The following MFSD2B variants were observed in gnomAD, a reference collection of about 807,000 sequenced individuals.
MFSD2B encodes the protein MFSD2 lysolipid transporter B, sphingolipid.
Under a neutral mutation model 58.4 loss-of-function variants are expected in MFSD2B, and 56 were observed. The ratio of observed to expected loss-of-function variants is 0.96; its 90% CI spans 0.77 to 1.20. The LOEUF is 1.20. MFSD2B is among the 50% of genes most tolerant of loss of function. MFSD2B has a pLI of 0.00. For missense variants in MFSD2B, 645 were observed against 667.6 expected (o/e 0.97, Z 0.37); for synonymous variants, 287 against 294.4 (o/e 0.97, Z 0.26).
chr2:24,010,821 C>T (rs953493918), intron 1 of MFSD2B, among the ~76,000 whole-genome samples: 6 of 152,292 alleles, frequency 3.9e-5, no homozygotes, highest in South Asian at 2.1e-4. Context: ...GCTCCCTGCT[C>T]GTGCCCAGGG....
chr2:24,010,216 G>A, intron 1 of MFSD2B, 24 bp downstream of exon 1: 2 of 1,364,112 alleles, frequency 1.5e-6, no homozygotes, highest in South Asian at 1.7e-5. Context: ...CGGGGACCGG[G>A]AAGGGGCTGC....
In MFSD2B at chr2:24,022,988, A is replaced by C; in HGVS notation, c.1059+86A>C. Reference sequence around the variant, plus strand: ...CTTGGTGCCTGAGCCTCCTGGGGCCAGCAGGGGTGGATCTGTGTTCCCTTG... The same window carrying C: ...CTTGGTGCCTGAGCCTCCTGGGGCCCGCAGGGGTGGATCTGTGTTCCCTTG... On this transcript the variant is annotated intron_variant, in intron 10 of 13. Coordinates refer to ENST00000338315, the MANE Select transcript of MFSD2B (RefSeq NM_001346880.2). The surrounding 1 kb of genome is among the most constrained non-coding windows in gnomAD (Gnocchi z 4.5). 7.1e-7 allele frequency: 1 copy of C among 1,401,936 alleles called. No homozygotes were observed. Among genetic ancestry groups the C allele is most frequent in the Non-Finnish European group, 1.0e-6 (1 of 1,002,368 alleles). The allele number at this position is 1,401,936 out of a possible 1,614,324, so 86.8% of individuals were successfully genotyped here. A position where few individuals can be genotyped will look rare whatever the true frequency, so the allele number is the denominator to read the frequency against.
rs1287890454 is a variant in MFSD2B at position 24,023,737 on chromosome 2, G to A, written c.1313+11G>A. On this transcript the variant is annotated intron_variant, in intron 12 of 13. Transcript: ENST00000338315. The surrounding 1 kb of genome is among the most constrained non-coding windows in gnomAD (Gnocchi z 5.0). ...CACCCTCAGTCTGGAGTGAGTCCCA[G>A]GGTTAGGATACAGCAGAGGCACCAA... 4 of 1,613,282 alleles carry A rather than the reference G, an allele frequency of 2.5e-6. No homozygotes were observed. Among genetic ancestry groups the A allele is most frequent in the Non-Finnish European group, 3.4e-6 (4 of 1,179,534 alleles).
chr2:24,023,782 G>A lies in MFSD2B; in HGVS notation c.1313+56G>A, dbSNP rs1160575593. The A allele has an allele frequency of 1.2e-5, 19 of 1,590,460 alleles. No homozygotes were observed. Among genetic ancestry groups the A allele is most frequent in the Non-Finnish European group, 1.6e-5 (19 of 1,165,120 alleles). ...CACCAAGGACCAGTGGGCAGGAAGAGGGCAAAGCCCCTCACCTACCAAGCT... is the reference window on the plus strand; with the variant it reads ...CACCAAGGACCAGTGGGCAGGAAGAAGGCAAAGCCCCTCACCTACCAAGCT... On this transcript the variant is annotated intron_variant, in intron 12 of 13. Transcript: ENST00000338315. The surrounding 1 kb of genome is among the most constrained non-coding windows in gnomAD (Gnocchi z 5.0).
In MFSD2B at chr2:24,023,134, T is replaced by C. The variant is rs1662859713; in HGVS notation, c.1064T>C (p.Met355Thr). The C allele has an allele frequency of 6.2e-7, 1 of 1,611,980 alleles. No individual in the cohort carries two copies. The highest frequency in any genetic ancestry group is 8.5e-7 in the Non-Finnish European group (1 of 1,179,578). ...CTGGTGTGTGTGTCTCCCCAGGCGA[T>C]GGTGCCCTTTGCGATCTTGCTGGCT... is the stretch of plus-strand genomic sequence containing the variant. ...KKTSAFGIFA[M>T]VPFAILLAAV... is the part of the protein sequence containing the mutation. Residue 355 changes from methionine (M) to threonine (T), a missense_variant, in exon 11 of 14, where the codon ATG (methionine) becomes ACG (threonine). Physicochemically the swap from Met to Thr is moderately conservative, Grantham distance 81 (BLOSUM62 -1). Coordinates refer to ENST00000338315, the MANE Select transcript of MFSD2B (RefSeq NM_001346880.2). This position sits in a 1 kb window ranked among gnomAD's most constrained non-coding sequence, Gnocchi z 5.0.
In MFSD2B at chr2:24,023,508, C is replaced by A; in HGVS notation, c.1170-75C>A. The A allele has an allele frequency of 6.6e-7, 1 of 1,510,426 alleles. No homozygotes were observed. Among genetic ancestry groups the A allele is most frequent in the Non-Finnish European group, 8.9e-7 (1 of 1,119,098 alleles). The allele number at this position is 1,510,426 out of a possible 1,614,324, so 93.6% of individuals were successfully genotyped here. A position where few individuals can be genotyped will look rare whatever the true frequency, so the allele number is the denominator to read the frequency against. ...GAACTCAGGGATGAATCCACTTTGGCCTCCGTCCCCAGAGAATTCACAGGC... is the reference window on the plus strand; with the variant it reads ...GAACTCAGGGATGAATCCACTTTGGACTCCGTCCCCAGAGAATTCACAGGC... On this transcript the variant is annotated intron_variant, in intron 11 of 13. Coordinates refer to ENST00000338315, the MANE Select transcript of MFSD2B (RefSeq NM_001346880.2). The surrounding 1 kb of genome is among the most constrained non-coding windows in gnomAD (Gnocchi z 5.0).
chr2:24,023,197 T>C lies in MFSD2B; in HGVS notation c.1127T>C (p.Phe376Ser). The C allele has an allele frequency of 1.2e-6, 2 of 1,613,674 alleles. No individual in the cohort carries two copies. Among genetic ancestry groups the C allele is most frequent in the Middle Eastern group, 1.6e-4 (1 of 6,062 alleles). The change falls in exon 11 of 14, where the codon TTT becomes TCT. Residue 376 changes from phenylalanine (F) to serine (S), a missense_variant. Physicochemically the swap from Phe to Ser is radical, Grantham distance 155. Coordinates refer to ENST00000338315, the MANE Select transcript of MFSD2B (RefSeq NM_001346880.2). The surrounding 1 kb of genome is among the most constrained non-coding windows in gnomAD (Gnocchi z 5.0). Reference protein sequence around the residue: ...PTAPVAYVVAFVSGVSIAVSL... With the variant: ...PTAPVAYVVASVSGVSIAVSL... ...GCACCTGTGGCATATGTCGTGGCCT[T>C]TGTATCTGGCGTGAGCATTGCTGTG...
chr2:24,016,423 G>C, intron 3 of MFSD2B, 143 bp downstream of exon 3: 1 of 904,648 alleles, frequency 1.1e-6, no homozygotes, highest in Non-Finnish European at 1.7e-6. Context: ...ACTGGGGACT[G>C]ACTGTGAGTG....
rs376743084 is a variant in MFSD2B, at chr2:24,016,932, C to T, written c.435C>T (p.Tyr145=). The change falls in exon 4 of 14, where the codon TAC becomes TAT. Residue 145 remains tyrosine, a synonymous_variant. Transcript: ENST00000338315. ...PPFTSLRGLW[Y]TTFYCLFQAL... is the part of the protein sequence containing the mutation. ...TCACCAGCCTGCGAGGCCTCTGGTA[C>T]ACGACTTTCTACTGCCTGTTCCAGG... 27 of 1,613,840 alleles carry T rather than the reference C, an allele frequency of 1.7e-5. No homozygotes were observed. The African/African-American group carries it at 3.2e-4, about 19-fold the overall frequency.
In MFSD2B at chr2:24,024,260, G is replaced by A. The variant is rs370046992; in HGVS notation, c.1479G>A (p.Leu493=). The A allele has an allele frequency of 1.6e-5, 26 of 1,604,512 alleles. No individual in the cohort carries two copies. The African/African-American group carries it at 2.7e-4, about 16-fold the overall frequency. The change falls in exon 13 of 14, where the codon CTG becomes CTA. Residue 493 remains leucine (L), a synonymous_variant. Transcript: ENST00000338315. This position sits in a 1 kb window ranked among gnomAD's most constrained non-coding sequence, Gnocchi z 4.3. ...CCAGTCGGGACGCCTCCAGCCGGCT[G>A]AGCCTTCGGAGGTAAGCCCCGCACG... is the stretch of plus-strand genomic sequence containing the variant. ...KTPSRDASSR[L]SLRRRTSYSL...
chr2:24,013,008 G>A, intron 1 of MFSD2B: 1 of 310,098 alleles, frequency 3.2e-6, no homozygotes. Flanking sequence ...ACACGGCCGT[G>A]CTGACTCAGT....
At chr2:24,013,838 C>CT (rs758336674) in intron 2 of MFSD2B, among the ~76,000 whole-genome samples, 1,413 of 110,616 alleles carry the variant, frequency 0.013, 23 homozygotes, top group Non-Finnish European at 0.015. Context: ...CAAGACGATT[C>CT]TTTTTTTTTT....
At chr2:24,016,051 T>TCCGGTC in intron 2 of MFSD2B, 105 bp from the exon 3 acceptor site, 12 of 1,417,490 alleles carry the variant, frequency 8.5e-6, no homozygotes, top group Non-Finnish European at 1.2e-5. Context: ...GGCTCTGCCC[T>TCCGGTC]CCGGTCCCGG....
chr2:24,013,547 A>G (rs920519381), intron 2 of MFSD2B, 137 bp downstream of exon 2: 2 of 895,888 alleles, frequency 2.2e-6, no homozygotes, highest in African/African-American at 1.7e-5. Flanking sequence ...CCAGAAGCCA[A>G]TGAGGGCAAG....
chr2:24,023,086 C>T lies in MFSD2B; in HGVS notation c.1060-44C>T, dbSNP rs1240706354. The stretch of plus-strand genomic sequence containing the variant: ...GTCGTGTGTGAAGGAGCAGGCCCCA[C>T]GAAGAAGCAGGTGGCGGGACAGCTG... On this transcript the variant is annotated intron_variant, in intron 10 of 13. Coordinates refer to ENST00000338315, the MANE Select transcript of MFSD2B (RefSeq NM_001346880.2). This position sits in a 1 kb window ranked among gnomAD's most constrained non-coding sequence, Gnocchi z 5.0. 11 of 1,533,510 alleles carry T rather than the reference C, an allele frequency of 7.2e-6. No individual in the cohort carries two copies. The highest frequency in any genetic ancestry group is 5.0e-5 in the Admixed American group (3 of 59,824). The allele number at this position is 1,533,510 out of a possible 1,614,324, so 95.0% of individuals were successfully genotyped here.
chr2:24,014,156 T>G (rs1249414261), intron 2 of MFSD2B, among the ~76,000 whole-genome samples: 1 of 151,900 alleles, frequency 6.6e-6, no homozygotes, highest in Non-Finnish European at 1.5e-5. Flanking sequence ...GGATTACAGG[T>G]GTGTGCCATC....
rs1199415076 is a variant in MFSD2B at position 24,023,619 on chromosome 2, G to A, written c.1206G>A (p.Leu402=). The part of the protein sequence containing the change: ...MLPDVVDDFQ[L]QHRHGPGLET... ...CAGACGTGGTGGATGACTTTCAGCT[G>A]CAGCACCGTCACGGGCCAGGCCTGG... The change falls in exon 12 of 14, where the codon CTG becomes CTA. Residue 402 remains leucine (L), a synonymous_variant. Transcript: ENST00000338315. This position sits in a 1 kb window ranked among gnomAD's most constrained non-coding sequence, Gnocchi z 5.0. 6.2e-7 allele frequency: 1 copy of A among 1,613,950 alleles called. No homozygotes were observed.
rs1442880125 is a variant in MFSD2B, at chr2:24,022,444, C to T, written c.906C>T (p.Ser302=). The T allele has an allele frequency of 3.7e-6, 6 of 1,612,950 alleles. No homozygotes were observed. The South Asian group carries it at 5.5e-5, about 15-fold the overall frequency. ...FISAAVQVEQ[S]YLVLFCTHAS... ...GTCCATCTCCTCAGGTGGAGCAGAG[C>T]TACCTGGTCCTGTTCTGTACACATG... The change falls in exon 9 of 14, where the codon AGC becomes AGT. Residue 302 remains serine, a synonymous_variant. Transcript: ENST00000338315. The surrounding 1 kb of genome is among the most constrained non-coding windows in gnomAD (Gnocchi z 4.5).
Position 24,017,519 on chromosome 2 carries a change from C to T in MFSD2B, c.612C>T (p.Ser204=), listed in dbSNP as rs752900419. 117 of 1,585,314 alleles carry T rather than the reference C, an allele frequency of 7.4e-5. No homozygotes were observed. Among genetic ancestry groups the T allele is most frequent in the Non-Finnish European group, 9.2e-5 (107 of 1,165,966 alleles). Residue 204 remains serine, a synonymous_variant, in exon 6 of 14, where the codon TCC becomes TCT. Coordinates refer to ENST00000338315, the MANE Select transcript of MFSD2B (RefSeq NM_001346880.2). The surrounding 1 kb of genome is among the most constrained non-coding windows in gnomAD (Gnocchi z 4.8). ...CCACTGTCCACGGGCTCATCGTGTC[C>T]GGCGCCCACAGACCCCACAGGTGCG... ...MGATVHGLIV[S]GAHRPHRCEA...
Sources: gnomAD v4.1 joint callset for allele counts (sites outside exome capture counted in the v4.1 genomes callset) on GRCh38, gnomAD v4.1.1 for gene constraint, Gnocchi (gnomAD v3.1) non-coding constraint, MANE v1.5 for transcripts, NCBI Gene and HGNC (gene_info 2026-07-23, HGNC 2026-07-21) for gene names.